ESYT3: variants seen among roughly 807,000 people sequenced by gnomAD.
ESYT3 encodes extended synaptotagmin 3, also known as extended synaptotagmin-3.
A neutral mutation model predicts 111.5 loss-of-function variants in ESYT3; 101 were observed. The observed-to-expected ratio is 0.91, with a 90% CI of 0.77 to 1.07. The LOEUF is 1.07. Among genes scored for constraint, ESYT3 ranks in the 50% least tolerant of loss-of-function variants. The pLI is 0.00. For missense variants in ESYT3, 1,097 were observed against 1,109.4 expected, an observed-to-expected ratio of 0.99 and a Z score of 0.16; for synonymous variants, 416 against 446.8, an observed-to-expected ratio of 0.93 and a Z score of 0.87.
rs2033588425 is a variant in ESYT3 at position 138,478,539 on chromosome 3, CAGCTAATCAAAAT to C, written c.*1686_*1698del. 1 of 152,306 alleles carries C rather than the reference CAGCTAATCAAAAT, an allele frequency of 6.6e-6. No homozygotes were observed. The highest frequency in any genetic ancestry group is 6.5e-5 in the Admixed American group (1 of 15,310). 9.4% of individuals were successfully genotyped at this position (152,306 alleles called of 1,614,324 possible). On this transcript the variant is annotated 3_prime_UTR_variant, in exon 23 of 23. Coordinates refer to ENST00000389567, the MANE Select transcript of ESYT3 (RefSeq NM_031913.5). The stretch of plus-strand genomic sequence containing the variant: ...CATCGAAACATTAGCAACCCTAAAA[CAGCTAATCAAAAT>C]GGCAGATAAGTGAAAACCTACCCCT...
intron 1 of ESYT3, among the ~76,000 whole-genome samples, chr3:138,441,570 G>A (rs1306494366): frequency 6.6e-6 from 1 of 152,110 alleles, no homozygotes; most frequent in African/African-American, 2.4e-5. Flanking sequence ...ACCTGGGAGG[G>A]CCACAACCCA....
At chr3:138,447,571 G>A (rs1028497273) in intron 1 of ESYT3, among the ~76,000 whole-genome samples, 8 of 152,128 alleles carry the variant, frequency 5.3e-5, no homozygotes, top group Non-Finnish European at 1.2e-4. Context: ...CCAAACTCAT[G>A]AAGTTCAACT....
intron 1 of ESYT3, 42 bp from the exon 2 acceptor site, chr3:138,452,006 T>A: frequency 6.2e-7 from 1 of 1,611,236 alleles, no homozygotes; most frequent in African/African-American, 1.3e-5. Flanking sequence ...CCAGCGGGTG[T>A]GCGGCTTCTA....
chr3:138,460,766 C>A, intron 7 of ESYT3, 100 bp downstream of exon 7: 1 of 1,233,120 alleles, frequency 8.1e-7, no homozygotes, highest in Non-Finnish European at 1.2e-6. Context: ...GCTTTCCCTC[C>A]TGGTGCTCTC....
chr3:138,434,812 A>G lies in ESYT3; in HGVS notation c.14A>G (p.Glu5Gly). The change falls in exon 1 of 23, where the codon GAG (glutamate) becomes GGG (glycine). Residue 5 changes from glutamate to glycine, a missense_variant. Coordinates refer to ENST00000389567, the MANE Select transcript of ESYT3 (RefSeq NM_031913.5). MRAE[E>G]PCAPGAPSAL... Reference sequence around the variant, plus strand: ...TGCGGCGACGAGATGCGAGCAGAGGAGCCCTGCGCCCCCGGGGCCCCCAGC... The same window carrying G: ...TGCGGCGACGAGATGCGAGCAGAGGGGCCCTGCGCCCCCGGGGCCCCCAGC... 1 of 1,560,112 alleles carries G rather than the reference A, an allele frequency of 6.4e-7. No homozygotes were observed. The highest frequency in any genetic ancestry group is 1.4e-5 in the African/African-American group (1 of 73,382).
At chr3:138,473,014 G>C (rs559065331) in intron 18 of ESYT3, 155 bp downstream of exon 18, 5 of 1,476,224 alleles carry the variant, frequency 3.4e-6, no homozygotes, top group Non-Finnish European at 8.9e-7. Flanking sequence ...AAGAACACAG[G>C]ACAAGGGAGA....
intron 16 of ESYT3, 182 bp downstream of exon 16, chr3:138,470,328 A>G: frequency 1.5e-6 from 2 of 1,336,872 alleles, no homozygotes; most frequent in Non-Finnish European, 1.9e-6. Context: ...GCCTGAGGTC[A>G]CTGTATAGGG....
chr3:138,462,509 G>T, intron 8 of ESYT3: 1 of 510,016 alleles, frequency 2.0e-6, no homozygotes, highest in Non-Finnish European at 3.5e-6. Context: ...CATTTTTAGG[G>T]TTTTATACCT....
chr3:138,454,610 C>T (rs1280732925), intron 2 of ESYT3, among the ~76,000 whole-genome samples: 2 of 152,108 alleles, frequency 1.3e-5, no homozygotes, highest in Non-Finnish European at 2.9e-5. Flanking sequence ...AAAGTACCTG[C>T]TGGCTGGCCC....
chr3:138,437,181 G>A (rs1278485611), intron 1 of ESYT3, among the ~76,000 whole-genome samples: 3 of 152,184 alleles, frequency 2.0e-5, no homozygotes, highest in Non-Finnish European at 4.4e-5. Context: ...GTCTCGGGTG[G>A]GGGACAGATG....
chr3:138,438,621 A>G (rs867762098), intron 1 of ESYT3, among the ~76,000 whole-genome samples: 1 of 152,140 alleles, frequency 6.6e-6, no homozygotes, highest in Non-Finnish European at 1.5e-5. Flanking sequence ...TTGCTCCAAG[A>G]TGCTACCTCC....
At chr3:138,465,165 A>T (rs115035242) in intron 9 of ESYT3, among the ~76,000 whole-genome samples, 174 bp from the exon 10 acceptor site, 3,562 of 152,194 alleles carry the variant, frequency 0.023, 130 homozygotes, top group African/African-American at 0.076. Flanking sequence ...GTTTTCTCTA[A>T]TCTTCTCTTC....
intron 1 of ESYT3, among the ~76,000 whole-genome samples, chr3:138,442,487 G>A (rs1255525905): frequency 1.3e-5 from 2 of 152,024 alleles, no homozygotes; most frequent in Non-Finnish European, 2.9e-5. Flanking sequence ...TCCTCTGTCC[G>A]CAGTTTCTCC....
In ESYT3 at chr3:138,478,602, C is replaced by CA. The variant is rs1393559741; in HGVS notation, c.*1749dup. On this transcript the variant is annotated 3_prime_UTR_variant, in exon 23 of 23. Transcript: ENST00000389567. ...TCTTCTTCCAAACTTAAACCACAAA[C>CA]ATTTATTTTAAACGTGGTCAATTGA... The CA allele has an allele frequency of 7.9e-5, 12 of 152,236 alleles. 1 individual carries two copies. In the South Asian group the frequency reaches 2.1e-3, roughly 26 times the overall value. 9.4% of individuals were successfully genotyped at this position (152,236 alleles called of 1,614,324 possible).
At chr3:138,476,363 T>C (rs376693141) in intron 21 of ESYT3, 35 bp downstream of exon 21, 18 of 1,595,258 alleles carry the variant, frequency 1.1e-5, no homozygotes, top group Non-Finnish European at 1.5e-5. Context: ...ACCAAGGAGA[T>C]TATGATCAAT....
chr3:138,437,663 A>T (rs533116144), intron 1 of ESYT3, among the ~76,000 whole-genome samples: 3 of 152,286 alleles, frequency 2.0e-5, no homozygotes, highest in Non-Finnish European at 4.4e-5. Flanking sequence ...TTCAGAAAGC[A>T]GCATGGTGGG....
At chr3:138,465,481 G>T in intron 10 of ESYT3, 60 bp downstream of exon 10, 2 of 1,355,678 alleles carry the variant, frequency 1.5e-6, no homozygotes, top group South Asian at 2.5e-5. Flanking sequence ...CGGGGTGCTG[G>T]GCTAGATACC....
chr3:138,459,063 G>A (rs2032464145), intron 4 of ESYT3, 124 bp from the exon 5 acceptor site: 1 of 658,314 alleles, frequency 1.5e-6, no homozygotes, highest in Admixed American at 2.5e-5. Flanking sequence ...CCAGTGCATA[G>A]AGCTCAGGGT....
At chr3:138,462,306 G>C in intron 8 of ESYT3, 100 bp downstream of exon 8, 1 of 1,514,298 alleles carries the variant, frequency 6.6e-7, no homozygotes, top group Non-Finnish European at 9.1e-7. Flanking sequence ...TCACACTAAT[G>C]CTTGACAGTC....
Sources: gnomAD v4.1 joint callset for allele counts (sites outside exome capture counted in the v4.1 genomes callset) on GRCh38, gnomAD v4.1.1 for gene constraint, MANE v1.5 for transcripts, NCBI Gene and HGNC (gene_info 2026-07-23, HGNC 2026-07-21) for gene names.